PCDH15: variants seen among roughly 807,000 people sequenced by gnomAD.
PCDH15 encodes the protein protocadherin related 15.
PCDH15 carries 129 observed loss-of-function variants against 178.5 expected under a neutral mutation model. The observed-to-expected ratio is 0.72, with a 90% CI of 0.63 to 0.84. The LOEUF is 0.84. Ranked by LOEUF, PCDH15 falls within the 40% of genes least tolerant of loss-of-function variation. The probability of loss-of-function intolerance (pLI) is 0.00; values close to 1 mark genes in which losing one functional copy is unlikely to be tolerated. For synonymous variants in PCDH15, 800 were observed against 732.0 expected (o/e 1.09, Z -1.50); for missense variants, 2,230 against 2,099.9 (o/e 1.06, Z -1.21).
chr10:55,147,983 G>A (rs1368321695), intron 2 of PCDH15, among the ~76,000 whole-genome samples: 1 of 151,712 alleles, frequency 6.6e-6, no homozygotes, highest in East Asian at 1.9e-4. Context: ...TTTCCCAAAA[G>A]GGGGGAAAAT....
intron 2 of PCDH15, among the ~76,000 whole-genome samples, chr10:55,473,913 G>A (rs914333632): frequency 2.0e-5 from 3 of 152,096 alleles, no homozygotes; most frequent in Non-Finnish European, 2.9e-5. Flanking sequence ...TTGCATGTTA[G>A]ATATAATTGT....
At chr10:55,091,664 T>C (rs1000404727) in intron 2 of PCDH15, among the ~76,000 whole-genome samples, 1 of 151,938 alleles carries the variant, frequency 6.6e-6, no homozygotes, top group Non-Finnish European at 1.5e-5. Flanking sequence ...AGTTATGCTG[T>C]TTATTATATT....
chr10:55,620,746 T>TGG (rs1843575528), intron 2 of PCDH15, among the ~76,000 whole-genome samples: 1 of 151,536 alleles, frequency 6.6e-6, no homozygotes, highest in Non-Finnish European at 1.5e-5. Flanking sequence ...TAATATATAA[T>TGG]CTAGCAGTGG....
rs572456055 is a variant in PCDH15 at position 54,279,228 on chromosome 10, C to T, written c.876+38043G>A. Among the ~76,000 whole-genome samples, 8 of 151,620 alleles carry T rather than the reference C, an allele frequency of 5.3e-5. 2 individuals carry two copies. Among genetic ancestry groups the T allele is most frequent in the African/African-American group, 1.7e-4 (7 of 41,488 alleles). On this transcript the variant is annotated intron_variant, in intron 8 of 37. Transcript: ENST00000644397. ...CTGGGCAGCTTTTTGTGGGCACAAT[C>T]ATACAATTTCAACTTCAAATTCCAT...
chr10:54,878,814 C>T (rs1373711639), intron 3 of PCDH15, among the ~76,000 whole-genome samples: 1 of 152,064 alleles, frequency 6.6e-6, no homozygotes, highest in African/African-American at 2.4e-5. Context: ...CTCCTTGATG[C>T]TCTCCCTCCC....
intron 2 of PCDH15, among the ~76,000 whole-genome samples, chr10:54,642,152 A>G (rs373063785): frequency 2.0e-5 from 3 of 152,102 alleles, no homozygotes; most frequent in African/African-American, 7.2e-5. Context: ...TTAATGCCTT[A>G]TAAGAGGCCC....
At chr10:53,810,473 A>C in intron 37 of PCDH15, 83 bp downstream of exon 37, 1 of 1,259,070 alleles carries the variant, frequency 7.9e-7, no homozygotes, top group Non-Finnish European at 1.2e-6. Context: ...AAAAGCTGAA[A>C]TGTTCTACAG....
At chr10:55,278,943 A>G (rs1564961754) in intron 1 of PCDH15, among the ~76,000 whole-genome samples, 2 of 152,184 alleles carry the variant, frequency 1.3e-5, no homozygotes, top group East Asian at 3.9e-4. Context: ...CTTCAATTTT[A>G]TACTCCATTT....
chr10:53,966,314 C>T (rs1189483512), intron 21 of PCDH15, among the ~76,000 whole-genome samples: 1 of 152,224 alleles, frequency 6.6e-6, no homozygotes, highest in Admixed American at 6.5e-5. Context: ...ATTATGATAA[C>T]TATACTAAAT....
intron 2 of PCDH15, among the ~76,000 whole-genome samples, chr10:55,479,614 G>A (rs369451982): frequency 1.3e-5 from 2 of 151,706 alleles, no homozygotes; most frequent in South Asian, 4.1e-4. Flanking sequence ...CTAAGCCAAT[G>A]ATGACTATTT....
chr10:53,968,396 G>A (rs995860650), intron 21 of PCDH15, among the ~76,000 whole-genome samples: 1 of 152,186 alleles, frequency 6.6e-6, no homozygotes, highest in Non-Finnish European at 1.5e-5. Context: ...AAGGAGGCCT[G>A]CCTGCCTCTG....
chr10:55,203,861 C>T (rs536081505), intron 1 of PCDH15, among the ~76,000 whole-genome samples: 1 of 151,990 alleles, frequency 6.6e-6, no homozygotes, highest in Admixed American at 6.6e-5. Context: ...CCAAATTTCT[C>T]CTTTCTAAAG....
At chr10:55,124,862 G>C (rs1314618561) in intron 2 of PCDH15, among the ~76,000 whole-genome samples, 1 of 152,018 alleles carries the variant, frequency 6.6e-6, no homozygotes, top group East Asian at 1.9e-4. Flanking sequence ...GATCTAGAGA[G>C]GTTGTGTCAT....
chr10:54,918,880 G>T (rs1837412252), intron 2 of PCDH15, among the ~76,000 whole-genome samples: 3 of 152,058 alleles, frequency 2.0e-5, no homozygotes, highest in Admixed American at 6.6e-5. Flanking sequence ...TTAATATGCT[G>T]AATACACCAA....
At chr10:54,554,966 A>C (rs1387867535) in intron 2 of PCDH15, among the ~76,000 whole-genome samples, 1 of 152,178 alleles carries the variant, frequency 6.6e-6, no homozygotes, top group Non-Finnish European at 1.5e-5. Context: ...AAACATTGAT[A>C]GATAACTGTA....
At chr10:55,193,852 G>C (rs1840008821) in intron 1 of PCDH15, among the ~76,000 whole-genome samples, 1 of 151,852 alleles carries the variant, frequency 6.6e-6, no homozygotes, top group African/African-American at 2.4e-5. Context: ...TAGACATATT[G>C]AGAGTAGTGT....
chr10:54,273,599 A>G (rs1413784912), intron 8 of PCDH15, among the ~76,000 whole-genome samples: 4 of 152,174 alleles, frequency 2.6e-5, no homozygotes, highest in Non-Finnish European at 5.9e-5. Context: ...CACTTAAAAA[A>G]ACTGAACAAA....
rs201284699 is a variant in PCDH15, at chr10:54,185,189, T to C, written c.1385A>G (p.Tyr462Cys). 4.3e-5 allele frequency: 70 copies of C among 1,613,638 alleles called. 1 individual carries two copies. The East Asian group carries it at 9.2e-4, about 21-fold the overall frequency. ...GTCCACTGGTTGAAGTAAGGTGAGG[T>C]AGCGAGTAATACCAGTCTGTGTGAC... ...FTVTQTGITRYLTLLQPVDRE... is the reference protein window; with the variant it reads ...FTVTQTGITRCLTLLQPVDRE... The change falls in exon 12 of 38, where the codon TAC becomes TGC. Residue 462 changes from tyrosine to cysteine, a missense_variant. By Grantham distance (194) the Tyr-to-Cys change is radical (BLOSUM62 -2). Coordinates refer to ENST00000644397, the MANE Select transcript of PCDH15 (RefSeq NM_001384140.1).
Position 55,051,467 on chromosome 10 carries a change from G to C in PCDH15, c.-80+115109C>G, listed in dbSNP as rs190271058. 4.0e-3 allele frequency among the ~76,000 whole-genome samples: 601 copies of C among 152,014 alleles called. 3 individuals carry two copies. Among genetic ancestry groups the C allele is most frequent in the South Asian group, 0.026 (124 of 4,814 alleles). The stretch of plus-strand genomic sequence containing the variant: ...TTTAAATAATTTAATCCATTTATTT[G>C]TACCAGGTATAAAATGATACAAAAA... On this transcript the variant is annotated intron_variant, in intron 2 of 5. Coordinates refer to the PCDH15 transcript ENST00000458638.
Sources: allele counts gnomAD v4.1 joint callset (sites outside exome capture counted in the v4.1 genomes callset), GRCh38; gene constraint gnomAD v4.1.1; transcripts MANE v1.5; gene names NCBI Gene and HGNC (gene_info 2026-07-23, HGNC 2026-07-21).